Variants in RLF observed in about 807,000 individuals in gnomAD.
RLF encodes the protein zinc finger protein Rlf.
In RLF, 7 loss-of-function variants were observed where a neutral mutation model predicts 162.9. That is an observed-to-expected ratio of 0.04 (90% CI 0.02 to 0.08). The LOEUF is 0.08. Among genes scored for constraint, RLF ranks in the 10% least tolerant of loss-of-function variants. The pLI, the probability that RLF is intolerant of heterozygous loss-of-function variation, is 1.00. For synonymous variants in RLF, 782 were observed against 791.5 expected, an observed-to-expected ratio of 0.99 and a Z score of 0.20; for missense variants, 1,664 against 2,244.7, an observed-to-expected ratio of 0.74 and a Z score of 5.23.
chr1:40,163,115 A>G (rs1228540777), intron 1 of RLF, among the ~76,000 whole-genome samples: 1 of 150,368 alleles, frequency 6.7e-6, no homozygotes, highest in Non-Finnish European at 1.5e-5. Context: ...ACAATTAACT[A>G]GAAAAATAAG....
chr1:40,214,918 C>CAAAAA lies in RLF; in HGVS notation c.811-7633_811-7629dup, dbSNP rs34756935. Among the ~76,000 whole-genome samples the CAAAAA allele has an allele frequency of 1.5e-3, 22 of 14,394 alleles. 2 individuals are homozygous for CAAAAA. The highest frequency in any genetic ancestry group is 0.014 in the East Asian group (5 of 362). The allele number at this position is 14,394 out of a possible 152,430, so 9.4% of individuals were successfully genotyped here. A position where few individuals can be genotyped will look rare whatever the true frequency, so the allele number is the denominator to read the frequency against. On this transcript the variant is annotated intron_variant, in intron 5 of 7. Coordinates refer to ENST00000372771, the MANE Select transcript of RLF (RefSeq NM_012421.4). ...CACCTGGACAAGAGTGAGCCTGTCT[C>CAAAAA]AAAAAAAAAAAAAAAAAAAAAAAAA...
intron 1 of RLF, among the ~76,000 whole-genome samples, chr1:40,165,278 G>A (rs1642149580): frequency 6.6e-6 from 1 of 152,146 alleles, no homozygotes; most frequent in African/African-American, 2.4e-5. Flanking sequence ...TTTACTTGGA[G>A]TCAGTCCATG....
In RLF at chr1:40,192,539, A is replaced by T. The variant is rs565288707; in HGVS notation, c.474+1686A>T. Among the ~76,000 whole-genome samples the T allele has an allele frequency of 4.9e-4, 75 of 152,286 alleles. 1 individual carries two copies. Among genetic ancestry groups the T allele is most frequent in the African/African-American group, 1.7e-3 (69 of 41,560 alleles). On this transcript the variant is annotated intron_variant, in intron 3 of 7. Coordinates refer to ENST00000372771, the MANE Select transcript of RLF (RefSeq NM_012421.4). Reference sequence around the variant, plus strand: ...CTCAACCTCTATCCTTTTTAGAGGGAAATCTCTCATATTTCTTTATTATTT... The same window carrying T: ...CTCAACCTCTATCCTTTTTAGAGGGTAATCTCTCATATTTCTTTATTATTT...
chr1:40,190,565 A>G (rs1483750715), intron 2 of RLF, among the ~76,000 whole-genome samples: 1 of 152,218 alleles, frequency 6.6e-6, no homozygotes, highest in Non-Finnish European at 1.5e-5. Flanking sequence ...TACTAAAGCA[A>G]CAATGTAAAT....
intron 5 of RLF, among the ~76,000 whole-genome samples, chr1:40,214,892 C>T (rs1402178633): frequency 1.5e-5 from 2 of 129,896 alleles, no homozygotes; most frequent in East Asian, 4.7e-4. Flanking sequence ...CACTGCACTC[C>T]CACCTGGACA....
chr1:40,206,827 C>G (rs1642802347), intron 5 of RLF, among the ~76,000 whole-genome samples: 1 of 152,174 alleles, frequency 6.6e-6, no homozygotes, highest in Non-Finnish European at 1.5e-5. Context: ...TTGCCTTCCA[C>G]AAGATAATTT....
rs926112757 is a variant in RLF, at chr1:40,200,504, A to G, written c.608-1908A>G. On this transcript the variant is annotated intron_variant, in intron 4 of 7. Transcript: ENST00000372771. ...AAATAAATTATAGCACATCCATACC[A>G]CATAATGCTATTCAGTTGTTAAAAA... Among the ~76,000 whole-genome samples, 3 of 152,296 alleles carry G rather than the reference A, an allele frequency of 2.0e-5. No individual in the cohort carries two copies. The East Asian group carries it at 5.8e-4, about 29-fold the overall frequency.
rs369783782 is a variant in RLF, at chr1:40,203,288, T to C, written c.810+674T>C. 8.6e-5 allele frequency among the ~76,000 whole-genome samples: 13 copies of C among 151,982 alleles called. 1 individual carries two copies. The highest frequency in any genetic ancestry group is 3.9e-4 in the East Asian group (2 of 5,110). ...CGCCACCATGCCTGGCTACTTTTTG[T>C]ACTTTTTAGTAGAGACGGGGTTTCA... On this transcript the variant is annotated intron_variant, in intron 5 of 7. Transcript: ENST00000372771.
chr1:40,193,998 G>T (rs1015985759), intron 3 of RLF, among the ~76,000 whole-genome samples: 1 of 152,042 alleles, frequency 6.6e-6, no homozygotes, highest in Non-Finnish European at 1.5e-5. Flanking sequence ...TAGAACATGG[G>T]AACAAGCTCA....
chr1:40,239,281 C>A lies in RLF; in HGVS notation c.4579C>A (p.Pro1527Thr). ...KCGLIKEKKAPISFKTRAEAL... is the reference protein window; with the variant it reads ...KCGLIKEKKATISFKTRAEAL... ...TGGCTTAATCAAAGAAAAGAAAGCC[C>A]CAATAAGTTTTAAAACCAGAGCTGA... is the stretch of plus-strand genomic sequence containing the variant. The change falls in exon 8 of 8, where the codon CCA becomes ACA. Residue 1527 changes from proline to threonine, a missense_variant. Pro to Thr is a conservative substitution (Grantham distance 38). This residue lies in a region of RLF where 200 missense variants were observed against 207.3 expected (regional missense o/e 0.96). Coordinates refer to ENST00000372771, the MANE Select transcript of RLF (RefSeq NM_012421.4). 6.2e-7 allele frequency: 1 copy of A among 1,613,990 alleles called. No individual in the cohort carries two copies. The highest frequency in any genetic ancestry group is 8.5e-7 in the Non-Finnish European group (1 of 1,180,000).
intron 4 of RLF, among the ~76,000 whole-genome samples, chr1:40,197,997 T>A (rs1017913353): frequency 6.6e-6 from 1 of 151,970 alleles, no homozygotes; most frequent in Non-Finnish European, 1.5e-5. Flanking sequence ...ATGGAAGAGC[T>A]GTTTTTCTTT....
At chr1:40,235,186 C>T (rs975784721) in intron 7 of RLF, among the ~76,000 whole-genome samples, 2 of 151,260 alleles carry the variant, frequency 1.3e-5, no homozygotes, top group East Asian at 1.9e-4. Context: ...CCTCAGCCTC[C>T]GAGTAGCTGG....
chr1:40,189,464 C>T (rs1359500355), intron 2 of RLF, among the ~76,000 whole-genome samples: 2 of 152,158 alleles, frequency 1.3e-5, no homozygotes, highest in Non-Finnish European at 2.9e-5. Flanking sequence ...TGATATATTT[C>T]TATCCCTTAG....
intron 5 of RLF, among the ~76,000 whole-genome samples, chr1:40,204,641 C>A (rs890242838): frequency 6.6e-6 from 1 of 151,688 alleles, no homozygotes; most frequent in African/African-American, 2.4e-5. Flanking sequence ...AGGCTGGTCT[C>A]GAACTCCCAG....
At chr1:40,225,878 CAAAA>C (rs71577617) in intron 6 of RLF, among the ~76,000 whole-genome samples, 17 of 14,776 alleles carry the variant, frequency 1.2e-3, no homozygotes, top group Non-Finnish European at 2.0e-3. Flanking sequence ...GACTCCGTCG[CAAAA>C]AAAAAAAAAA....
At chr1:40,191,666 A>G (rs879527145) in intron 3 of RLF, among the ~76,000 whole-genome samples, 27 of 152,186 alleles carry the variant, frequency 1.8e-4, no homozygotes, top group African/African-American at 5.8e-4. Context: ...GCAGTGAGAT[A>G]TGATCACACC....
Position 40,204,401 on chromosome 1 carries a change from C to G in RLF, c.810+1787C>G, listed in dbSNP as rs373558773. Among the ~76,000 whole-genome samples, 13 of 152,000 alleles carry G rather than the reference C, an allele frequency of 8.6e-5. 1 individual carries two copies. The highest frequency in any genetic ancestry group is 3.9e-4 in the East Asian group (2 of 5,126). ...CACCTACTCTATGTGTTTACCTGCA[C>G]TCATGGGGCCAAATTTACATGGAGA... On this transcript the variant is annotated intron_variant, in intron 5 of 7. Coordinates refer to ENST00000372771, the MANE Select transcript of RLF (RefSeq NM_012421.4).
Position 40,240,655 on chromosome 1 carries a change from G to A in RLF, c.*208G>A. ...TTAATGATTGGGTTTATTTTTGTTT[G>A]TTTGTTTATTAAAAAAATGGAACTG... On this transcript the variant is annotated 3_prime_UTR_variant, in exon 8 of 8. Coordinates refer to ENST00000372771, the MANE Select transcript of RLF (RefSeq NM_012421.4). The A allele has an allele frequency of 7.8e-6, 4 of 510,254 alleles. No individual in the cohort carries two copies. The highest frequency in any genetic ancestry group is 7.7e-5 in the African/African-American group (4 of 51,964). The allele number at this position is 510,254 out of a possible 1,614,324, so 31.6% of individuals were successfully genotyped here.
At chr1:40,172,153 A>AT (rs1216935536) in intron 1 of RLF, among the ~76,000 whole-genome samples, 3 of 151,982 alleles carry the variant, frequency 2.0e-5, no homozygotes, top group South Asian at 2.1e-4. Flanking sequence ...CTAAAAAAAA[A>AT]TTTTTTTTAA....
Sources: gnomAD v4.1 joint callset for allele counts (sites outside exome capture counted in the v4.1 genomes callset) on GRCh38, gnomAD v4.1.1 for gene constraint, gnomAD v4.1.1 regional missense constraint, MANE v1.5 for transcripts, NCBI Gene and HGNC (gene_info 2026-07-23, HGNC 2026-07-21) for gene names.